AKAP6: variants seen among roughly 807,000 people sequenced by gnomAD.
The protein encoded by AKAP6 is A-kinase anchoring protein 6.
In AKAP6, 58 loss-of-function variants were observed where a neutral mutation model predicts 188.5. That is an observed-to-expected ratio of 0.31 (90% CI 0.25 to 0.38). The LOEUF is 0.38. Among genes scored for constraint, AKAP6 ranks in the 10% least tolerant of loss-of-function variants. The pLI is 1.00. For missense variants in AKAP6, 2,710 were observed against 2,740.0 expected, an observed-to-expected ratio of 0.99 and a Z score of 0.24; for synonymous variants, 989 against 998.6, an observed-to-expected ratio of 0.99 and a Z score of 0.18.
At chr14:32,771,280 G>A (rs2032888984) in intron 11 of AKAP6, among the ~76,000 whole-genome samples, 1 of 149,688 alleles carries the variant, frequency 6.7e-6, no homozygotes, top group Non-Finnish European at 1.5e-5. Context: ...TATTTCCCAA[G>A]TGCACATGTA....
Position 32,545,879 on chromosome 14 carries a change from G to A in AKAP6, c.1226G>A (p.Gly409Asp), listed in dbSNP as rs1305016310. The change falls in exon 4 of 14, where the codon GGT becomes GAT. Residue 409 changes from glycine to aspartate, a missense_variant. Coordinates refer to ENST00000280979, the MANE Select transcript of AKAP6 (RefSeq NM_004274.5). ...TTTAAGAATGATCTGAAAGGCAATG[G>A]TGGAAAGAGGCAAATGGTTGATCTA... Reference protein sequence around the residue: ...ETFKNDLKGNGGKRQMVDLKP... With the variant: ...ETFKNDLKGNDGKRQMVDLKP... 12 of 1,614,064 alleles carry A rather than the reference G, an allele frequency of 7.4e-6. No homozygotes were observed. The highest frequency in any genetic ancestry group is 1.0e-5 in the Non-Finnish European group (12 of 1,180,026).
In AKAP6 at chr14:32,823,046, G is replaced by A. The variant is rs1296529375; in HGVS notation, c.5233G>A (p.Ala1745Thr). Residue 1745 changes from alanine (A) to threonine (T), a missense_variant, in exon 13 of 14, where the codon GCT becomes ACT. Ala to Thr is a moderately conservative substitution (Grantham distance 58, BLOSUM62 0). Around this residue, in one of 2 missense-constraint regions of AKAP6, gnomAD observed 2,473 missense variants for 2,426.1 expected, o/e 1.02. Transcript: ENST00000280979. Reference protein sequence around the residue: ...SMIVNVSCTSACTDDEDDSDL... With the variant: ...SMIVNVSCTSTCTDDEDDSDL... Reference sequence around the variant, plus strand: ...GATTGTTAATGTCTCTTGCACCTCTGCTTGCACTGATGATGAAGATGACAG... The same window carrying A: ...GATTGTTAATGTCTCTTGCACCTCTACTTGCACTGATGATGAAGATGACAG... 1 of 1,613,832 alleles carries A rather than the reference G, an allele frequency of 6.2e-7. No homozygotes were observed. Among genetic ancestry groups the A allele is most frequent in the African/African-American group, 1.3e-5 (1 of 74,982 alleles).
At chr14:32,411,303 C>T (rs1343466504) in intron 1 of AKAP6, among the ~76,000 whole-genome samples, 2 of 152,118 alleles carry the variant, frequency 1.3e-5, no homozygotes, top group African/African-American at 4.8e-5. Context: ...ATGGAACATC[C>T]TTCCACCAAT....
At chr14:32,543,120 C>T (rs1883037379) in intron 3 of AKAP6, among the ~76,000 whole-genome samples, 1 of 152,168 alleles carries the variant, frequency 6.6e-6, no homozygotes, top group South Asian at 2.1e-4. Flanking sequence ...AGTCATCTGA[C>T]CCTGCTATAG....
At chr14:32,687,435 TCTC>T (rs1566647330) in intron 8 of AKAP6, among the ~76,000 whole-genome samples, 3 of 138,848 alleles carry the variant, frequency 2.2e-5, no homozygotes, top group East Asian at 2.0e-4. Flanking sequence ...TCTCTCTCTC[TCTC>T]TCTTTCTCTC....
chr14:32,472,703 G>C (rs1287447176), intron 2 of AKAP6, among the ~76,000 whole-genome samples: 13 of 152,092 alleles, frequency 8.5e-5, no homozygotes, highest in Non-Finnish European at 1.6e-4. Flanking sequence ...CAACTGTTGG[G>C]CTCATTGTGC....
In AKAP6 at chr14:32,367,901, C is replaced by A. The variant is rs535246303; in HGVS notation, c.-35+38493C>A. Among the ~76,000 whole-genome samples the A allele has an allele frequency of 1.2e-4, 18 of 152,332 alleles. No individual in the cohort carries two copies. The South Asian group carries it at 3.3e-3, about 28-fold the overall frequency. On this transcript the variant is annotated intron_variant, in intron 1 of 13. Coordinates refer to ENST00000280979, the MANE Select transcript of AKAP6 (RefSeq NM_004274.5). The stretch of plus-strand genomic sequence containing the variant: ...CATCTCCACCAACTCACAGTTTGGC[C>A]TATTATGAATGCTTCTGGAGACAGG...
intron 2 of AKAP6, among the ~76,000 whole-genome samples, chr14:32,453,289 G>A (rs1026101154): frequency 5.3e-5 from 8 of 152,152 alleles, no homozygotes; most frequent in Non-Finnish European, 1.5e-5. Context: ...CTGCTGACAT[G>A]TGGCAGAATC....
chr14:32,737,467 T>C (rs746553307), intron 11 of AKAP6, among the ~76,000 whole-genome samples: 26 of 152,192 alleles, frequency 1.7e-4, no homozygotes, highest in Non-Finnish European at 2.8e-4. Flanking sequence ...AAAATTATAA[T>C]TGGTAATAAG....
chr14:32,735,715 C>T lies in AKAP6; in HGVS notation c.3205C>T (p.Arg1069Cys), dbSNP rs138488196. ...TMAGHSGSSPRDLLSPESGSL... is the reference protein window; with the variant it reads ...TMAGHSGSSPCDLLSPESGSL... Reference sequence around the variant, plus strand: ...GGCAGGGCACAGTGGGTCGAGTCCACGTGACCTGCTCTCTCCTGAAAGTGG... The same window carrying T: ...GGCAGGGCACAGTGGGTCGAGTCCATGTGACCTGCTCTCTCCTGAAAGTGG... Residue 1069 changes from arginine (R) to cysteine (C), a missense_variant, in exon 11 of 14, where the codon CGT (arginine) becomes TGT (cysteine). Transcript: ENST00000280979. 3.3e-5 allele frequency: 53 copies of T among 1,613,364 alleles called. No homozygotes were observed. The highest frequency in any genetic ancestry group is 1.7e-4 in the Middle Eastern group (1 of 6,046).
intron 12 of AKAP6, among the ~76,000 whole-genome samples, chr14:32,781,047 C>A (rs192826628): frequency 3.7e-4 from 56 of 151,632 alleles, no homozygotes; most frequent in African/African-American, 1.2e-3. Context: ...CCAAATTAAA[C>A]CCAAAGTAAA....
chr14:32,466,843 A>ATTTT (rs1484545832), intron 2 of AKAP6, among the ~76,000 whole-genome samples: 2 of 144,126 alleles, frequency 1.4e-5, no homozygotes, highest in African/African-American at 5.3e-5. Context: ...ATATATATAT[A>ATTTT]TATTTTCTTT....
chr14:32,817,453 G>C (rs1319828207), intron 12 of AKAP6, among the ~76,000 whole-genome samples: 1 of 29,906 alleles, frequency 3.3e-5, no homozygotes, highest in East Asian at 1.6e-3. Flanking sequence ...CTGTATAGCT[G>C]TGTGTGTGTG....
At chr14:32,740,046 G>T (rs2031606258) in intron 11 of AKAP6, among the ~76,000 whole-genome samples, 4 of 151,962 alleles carry the variant, frequency 2.6e-5, no homozygotes, top group Admixed American at 2.6e-4. Context: ...GTTATTGCCT[G>T]TCTTTTGGAT....
At chr14:32,621,308 A>G (rs954363042) in intron 7 of AKAP6, among the ~76,000 whole-genome samples, 2 of 152,046 alleles carry the variant, frequency 1.3e-5, no homozygotes, top group Non-Finnish European at 2.9e-5. Context: ...TGATGTAGGC[A>G]TTTAGTGCTA....
intron 12 of AKAP6, among the ~76,000 whole-genome samples, chr14:32,793,524 A>C (rs561845623): frequency 6.6e-6 from 1 of 152,302 alleles, no homozygotes; most frequent in African/African-American, 2.4e-5. Context: ...AAACTCATAC[A>C]GAAATTTCTT....
chr14:32,774,755 T>C (rs1329305513), intron 12 of AKAP6, among the ~76,000 whole-genome samples: 1 of 152,100 alleles, frequency 6.6e-6, no homozygotes, highest in Non-Finnish European at 1.5e-5. Context: ...CATACATACA[T>C]ACATACATAC....
chr14:32,563,014 C>T (rs1445200998), intron 4 of AKAP6, among the ~76,000 whole-genome samples: 1 of 152,162 alleles, frequency 6.6e-6, no homozygotes, highest in Non-Finnish European at 1.5e-5. Context: ...TTTCTAGACA[C>T]ACTTTTATAC....
At chr14:32,628,337 A>G (rs151124410) in intron 7 of AKAP6, among the ~76,000 whole-genome samples, 230 of 152,134 alleles carry the variant, frequency 1.5e-3, no homozygotes, top group African/African-American at 5.4e-3. Context: ...TTGAGGTGCA[A>G]CCATCCAAAT....
Sources: allele counts gnomAD v4.1 joint callset (sites outside exome capture counted in the v4.1 genomes callset), GRCh38; gene constraint gnomAD v4.1.1; regional missense constraint gnomAD v4.1.1; transcripts MANE v1.5; gene names NCBI Gene and HGNC (gene_info 2026-07-23, HGNC 2026-07-21).